EEFSEC: variants seen among roughly 807,000 people sequenced by gnomAD.
The protein encoded by EEFSEC is selenocysteine-specific elongation factor.
EEFSEC carries 43 observed loss-of-function variants against 42.1 expected under a neutral mutation model. The observed-to-expected ratio is 1.02, with a 90% confidence interval of 0.80 to 1.32. The LOEUF (loss-of-function observed/expected upper bound fraction) is 1.32, where lower values mean the gene tolerates loss of function less well. Ranked by LOEUF, EEFSEC falls within the 40% of genes most tolerant of loss-of-function variation. EEFSEC has a pLI of 0.00. For synonymous variants in EEFSEC, 354 were observed against 339.1 expected (o/e 1.04, Z -0.48); for missense variants, 745 against 803.6 (o/e 0.93, Z 0.88).
intron 1 of EEFSEC, among the ~76,000 whole-genome samples, chr3:128,242,830 A>G (rs554013516): frequency 1.3e-5 from 2 of 152,344 alleles, no homozygotes; most frequent in Admixed American, 6.5e-5. Context: ...ATTGGGAAAT[A>G]TAGAGGATCA....
At chr3:128,396,476 T>C (rs1484788852) in intron 6 of EEFSEC, among the ~76,000 whole-genome samples, 1 of 152,206 alleles carries the variant, frequency 6.6e-6, no homozygotes, top group Admixed American at 6.5e-5. Flanking sequence ...TGATCCTTCC[T>C]ACCCCAAGCC....
At chr3:128,178,714 T>C (rs1016383774) in intron 1 of EEFSEC, among the ~76,000 whole-genome samples, 1 of 152,222 alleles carries the variant, frequency 6.6e-6, no homozygotes, top group Non-Finnish European at 1.5e-5. Flanking sequence ...TGAATTCAGA[T>C]TGACTTCTTT....
intron 4 of EEFSEC, among the ~76,000 whole-genome samples, chr3:128,340,269 CT>C (rs2067235706): frequency 6.6e-6 from 1 of 152,120 alleles, no homozygotes; most frequent in Non-Finnish European, 1.5e-5. Context: ...TCTTCGAGAC[CT>C]TTACCCCACC....
At chr3:128,162,444 T>C (rs1299173016) in intron 1 of EEFSEC, among the ~76,000 whole-genome samples, 2 of 152,238 alleles carry the variant, frequency 1.3e-5, no homozygotes, top group Non-Finnish European at 1.5e-5. Flanking sequence ...TATTGCTCTC[T>C]GACCCCACCT....
intron 2 of EEFSEC, among the ~76,000 whole-genome samples, chr3:128,254,544 C>T (rs1183955428): frequency 6.6e-6 from 1 of 152,126 alleles, no homozygotes; most frequent in Non-Finnish European, 1.5e-5. Context: ...GGAAATTAGT[C>T]CTAGGTTTCT....
intron 6 of EEFSEC, among the ~76,000 whole-genome samples, chr3:128,382,858 G>A (rs903131426): frequency 4.6e-5 from 7 of 152,196 alleles, no homozygotes; most frequent in Non-Finnish European, 8.8e-5. Context: ...TCTCCCTCCA[G>A]GTTCCCCAAC....
intron 4 of EEFSEC, among the ~76,000 whole-genome samples, chr3:128,336,502 A>G (rs1576648463): frequency 6.6e-6 from 1 of 152,124 alleles, no homozygotes; most frequent in South Asian, 2.1e-4. Context: ...TGGCTGGCCC[A>G]TGTCTCCAAC....
At chr3:128,239,015 T>C (rs1229172709) in intron 1 of EEFSEC, among the ~76,000 whole-genome samples, 1 of 152,222 alleles carries the variant, frequency 6.6e-6, no homozygotes, top group African/African-American at 2.4e-5. Flanking sequence ...CTTCTCCTGC[T>C]CAGGGGTCTC....
intron 5 of EEFSEC, among the ~76,000 whole-genome samples, chr3:128,343,710 G>A (rs2067281448): frequency 2.6e-5 from 4 of 152,146 alleles, no homozygotes; most frequent in Non-Finnish European, 5.9e-5. Context: ...TTGAGAACTG[G>A]GAGGGAGGGT....
intron 1 of EEFSEC, among the ~76,000 whole-genome samples, chr3:128,187,742 C>T (rs1280535392): frequency 2.0e-5 from 3 of 152,180 alleles, no homozygotes; most frequent in Non-Finnish European, 1.5e-5. Context: ...AAAGACCATA[C>T]AATACACCAG....
At chr3:128,293,818 T>C (rs969528786) in intron 4 of EEFSEC, among the ~76,000 whole-genome samples, 1 of 152,208 alleles carries the variant, frequency 6.6e-6, no homozygotes, top group Non-Finnish European at 1.5e-5. Context: ...TAGTTAATTT[T>C]TCTAAAAGGG....
At chr3:128,177,638 G>A (rs2065364501) in intron 1 of EEFSEC, among the ~76,000 whole-genome samples, 1 of 152,046 alleles carries the variant, frequency 6.6e-6, no homozygotes. Context: ...GTTTAGAGAT[G>A]GTAAAGAACT....
intron 1 of EEFSEC, among the ~76,000 whole-genome samples, chr3:128,167,676 C>T (rs1252265121): frequency 6.6e-6 from 1 of 152,246 alleles, no homozygotes; most frequent in Non-Finnish European, 1.5e-5. Flanking sequence ...GTGCAGCTCA[C>T]CGCACACAGT....
chr3:128,301,086 G>A (rs2066762696), intron 4 of EEFSEC, among the ~76,000 whole-genome samples: 1 of 152,140 alleles, frequency 6.6e-6, no homozygotes, highest in Non-Finnish European at 1.5e-5. Context: ...CAGCACAAGT[G>A]GTAATGTGGT....
At chr3:128,214,580 T>C (rs1392778110) in intron 1 of EEFSEC, among the ~76,000 whole-genome samples, 1 of 152,218 alleles carries the variant, frequency 6.6e-6, no homozygotes, top group Non-Finnish European at 1.5e-5. Flanking sequence ...CTTAGTTATA[T>C]AAAATGAGGT....
chr3:128,402,198 C>T (rs1576707353), intron 6 of EEFSEC, among the ~76,000 whole-genome samples: 1 of 152,356 alleles, frequency 6.6e-6, no homozygotes. Flanking sequence ...ACAGTGCTTG[C>T]AACCCACTCC....
At position 128,358,363 on chromosome 3, in the gene EEFSEC, C is replaced by A. The variant is rs200222316; in HGVS notation, c.1590C>A (p.Ile530=). The A allele has an allele frequency of 8.1e-6, 13 of 1,614,114 alleles. No homozygotes were observed. Among genetic ancestry groups the A allele is most frequent in the Non-Finnish European group, 1.1e-5 (13 of 1,180,032 alleles). The change falls in exon 6 of 7, where the codon ATC becomes ATA. Residue 530 remains isoleucine, a synonymous_variant. Transcript: ENST00000254730. ...SAFGQSGKFK[I]HIPGGLSPES... is the part of the protein sequence containing the mutation. ...TCGGCCAGAGCGGCAAGTTCAAGATCCACATCCCAGGTAAGTGCAGCCACT... is the reference window on the plus strand; with the variant it reads ...TCGGCCAGAGCGGCAAGTTCAAGATACACATCCCAGGTAAGTGCAGCCACT...
At chr3:128,391,742 G>A (rs1189384964) in intron 6 of EEFSEC, among the ~76,000 whole-genome samples, 1 of 152,234 alleles carries the variant, frequency 6.6e-6, no homozygotes, top group Non-Finnish European at 1.5e-5. Flanking sequence ...CTGGACTGTG[G>A]ACTCCACCAG....
chr3:128,341,674 C>T lies in EEFSEC; in HGVS notation c.1228C>T (p.Gln410Ter), dbSNP rs1427288285. Residue 410 changes from glutamine to a stop codon, truncating the protein, a stop_gained, in exon 5 of 7, where the codon CAG becomes TAG. Transcript: ENST00000254730. LOFTEE classifies it high-confidence loss of function. ...CACAGAGGGCCATTGTCCTCGGCAG[C>T]AGTGGGCCCTGGTGGAGTTTGAGAA... ...QATEGHCPRQ[Q>*]WALVEFEKPV... 2 of 1,614,104 alleles carry T rather than the reference C, an allele frequency of 1.2e-6. No individual in the cohort carries two copies. Among genetic ancestry groups the T allele is most frequent in the Middle Eastern group, 1.6e-4 (1 of 6,062 alleles).
Sources: allele counts gnomAD v4.1 joint callset (sites outside exome capture counted in the v4.1 genomes callset), GRCh38; gene constraint gnomAD v4.1.1; transcripts MANE v1.5; gene names NCBI Gene and HGNC (gene_info 2026-07-23, HGNC 2026-07-21).